SORCS2: variants seen among roughly 807,000 people sequenced by gnomAD.
The protein encoded by SORCS2 is VPS10 domain-containing receptor SorCS2.
Under a neutral mutation model 141.6 loss-of-function variants are expected in SORCS2, and 100 were observed. The ratio of observed to expected loss-of-function variants is 0.71; its 90% CI spans 0.60 to 0.83. The LOEUF (loss-of-function observed/expected upper bound fraction) is 0.83. Ranked by LOEUF, SORCS2 falls within the 40% of genes least tolerant of loss-of-function variation. SORCS2 has a pLI of 0.00. For missense variants in SORCS2, 1,646 were observed against 1,560.2 expected, an observed-to-expected ratio of 1.05 and a Z score of -0.93; for synonymous variants, 789 against 676.9, an observed-to-expected ratio of 1.17 and a Z score of -2.57.
intron 1 of SORCS2, among the ~76,000 whole-genome samples, chr4:7,327,142 G>A (rs1187280638): frequency 1.3e-5 from 2 of 152,198 alleles, no homozygotes; most frequent in South Asian, 2.1e-4. Context: ...AGCTGCCGCC[G>A]CAACGTTCCA....
At chr4:7,324,840 C>T (rs1719136545) in intron 1 of SORCS2, among the ~76,000 whole-genome samples, 1 of 152,194 alleles carries the variant, frequency 6.6e-6, no homozygotes, top group South Asian at 2.1e-4. Flanking sequence ...TGTCATTTTC[C>T]TTTCAAACCG....
chr4:7,247,574 C>A (rs1713184247), intron 1 of SORCS2, among the ~76,000 whole-genome samples: 1 of 152,176 alleles, frequency 6.6e-6, no homozygotes, highest in Non-Finnish European at 1.5e-5. Flanking sequence ...TGTGCGTTTT[C>A]TGTGGAGGAT....
At chr4:7,505,720 C>A (rs1433507969) in intron 2 of SORCS2, among the ~76,000 whole-genome samples, 2 of 152,120 alleles carry the variant, frequency 1.3e-5, no homozygotes, top group African/African-American at 4.8e-5. Context: ...CAGCAAGGCC[C>A]CAGAGCTGGG....
At chr4:7,561,850 T>C (rs887196787) in intron 3 of SORCS2, among the ~76,000 whole-genome samples, 1 of 152,130 alleles carries the variant, frequency 6.6e-6, no homozygotes, top group Non-Finnish European at 1.5e-5. Flanking sequence ...CATCCATCCA[T>C]CTACCCATCC....
intron 2 of SORCS2, chr4:7,434,992 A>T: frequency 7.6e-7 from 1 of 1,318,522 alleles, no homozygotes; most frequent in Non-Finnish European, 1.0e-6. Flanking sequence ...CCTCCTGGCC[A>T]CTCCCACAGC....
chr4:7,645,756 G>C (rs1186695991), intron 4 of SORCS2, among the ~76,000 whole-genome samples: 1 of 152,186 alleles, frequency 6.6e-6, no homozygotes, highest in Non-Finnish European at 1.5e-5. Context: ...TCTTTAAAAA[G>C]TCCTTTCTGA....
At chr4:7,596,560 G>T (rs557812042) in intron 3 of SORCS2, among the ~76,000 whole-genome samples, 39 of 152,222 alleles carry the variant, frequency 2.6e-4, no homozygotes, top group African/African-American at 7.5e-4. Context: ...ATCTCCTTTC[G>T]TGCTAAAACC....
intron 1 of SORCS2, among the ~76,000 whole-genome samples, chr4:7,349,035 A>G (rs1004440244): frequency 6.6e-5 from 10 of 152,188 alleles, no homozygotes; most frequent in African/African-American, 2.4e-4. Context: ...CTTATTTGAC[A>G]TTGATTGATG....
chr4:7,593,688 G>T lies in SORCS2; in HGVS notation c.649-44640G>T, dbSNP rs375616010. Among the ~76,000 whole-genome samples, 8 of 152,338 alleles carry T rather than the reference G, an allele frequency of 5.3e-5. No homozygotes were observed. In the East Asian group the frequency reaches 1.4e-3, roughly 26 times the overall value. On this transcript the variant is annotated intron_variant, in intron 3 of 26. Coordinates refer to ENST00000507866, the MANE Select transcript of SORCS2 (RefSeq NM_020777.3). ...GTGGGGGCGGCCCCAGGCGGGTAAT[G>T]GGAAGCCGGAGCAGATGTTGGCAGT...
intron 2 of SORCS2, among the ~76,000 whole-genome samples, chr4:7,445,325 G>A (rs1212224484): frequency 6.6e-6 from 1 of 151,070 alleles, no homozygotes; most frequent in Non-Finnish European, 1.5e-5. Flanking sequence ...GGGACATCCA[G>A]AGGGAAAGCC....
At chr4:7,717,003 A>AG (rs1339508383) in intron 17 of SORCS2, among the ~76,000 whole-genome samples, 1 of 152,236 alleles carries the variant, frequency 6.6e-6, no homozygotes, top group Non-Finnish European at 1.5e-5. Context: ...TGAGGGCAAG[A>AG]GGGGGGATCA....
Position 7,697,253 on chromosome 4 carries a change from C to T in SORCS2, c.1647C>T (p.Asp549=). 6.3e-7 allele frequency: 1 copy of T among 1,590,718 alleles called. No individual in the cohort carries two copies. ...AAGAAGAAATGTACATCACGTCAGA[C>T]TGTGGTCACACCTGGCGGCAGGTAA... The part of the protein sequence containing the change: ...EYKEEMYITS[D]CGHTWRQVFE... Residue 549 remains aspartate, a synonymous_variant, in exon 12 of 27, where the codon GAC becomes GAT. Coordinates refer to ENST00000507866, the MANE Select transcript of SORCS2 (RefSeq NM_020777.3).
chr4:7,645,834 C>T (rs1454525553), intron 4 of SORCS2, among the ~76,000 whole-genome samples: 1 of 152,214 alleles, frequency 6.6e-6, no homozygotes, highest in Non-Finnish European at 1.5e-5. Flanking sequence ...ACCCAGGTGA[C>T]AGCCCATGGC....
chr4:7,396,910 G>A (rs765980493), intron 2 of SORCS2, among the ~76,000 whole-genome samples: 1 of 152,122 alleles, frequency 6.6e-6, no homozygotes, highest in Non-Finnish European at 1.5e-5. Context: ...AAAGAAGGAG[G>A]ATTTGAGAAC....
intron 18 of SORCS2, among the ~76,000 whole-genome samples, chr4:7,719,469 G>A (rs1401173720): frequency 6.6e-6 from 1 of 152,222 alleles, no homozygotes; most frequent in Non-Finnish European, 1.5e-5. Flanking sequence ...TGGCAGGGCT[G>A]GCGTTGGGGT....
intron 2 of SORCS2, among the ~76,000 whole-genome samples, chr4:7,488,836 C>T (rs529360492): frequency 2.6e-5 from 4 of 152,296 alleles, no homozygotes; most frequent in East Asian, 1.9e-4. Context: ...ATCTTAAATT[C>T]GTTTATAAAG....
intron 1 of SORCS2, among the ~76,000 whole-genome samples, chr4:7,290,193 C>T (rs1174900447): frequency 6.6e-6 from 1 of 152,172 alleles, no homozygotes; most frequent in East Asian, 1.9e-4. Context: ...ATGTATTTGT[C>T]AGGACAACCC....
At chr4:7,560,322 G>A (rs1160451600) in intron 3 of SORCS2, among the ~76,000 whole-genome samples, 1 of 152,116 alleles carries the variant, frequency 6.6e-6, no homozygotes, top group Non-Finnish European at 1.5e-5. Flanking sequence ...GGAGGGCGAG[G>A]GATGAATGGA....
chr4:7,676,997 CCTCT>C (rs1357786858), intron 9 of SORCS2, among the ~76,000 whole-genome samples: 6 of 143,256 alleles, frequency 4.2e-5, no homozygotes, highest in African/African-American at 1.5e-4. Flanking sequence ...CCTTCCTCTC[CCTCT>C]CTGTGTGTGA....
Sources: allele counts gnomAD v4.1 joint callset (sites outside exome capture counted in the v4.1 genomes callset), GRCh38; gene constraint gnomAD v4.1.1; transcripts MANE v1.5; gene names NCBI Gene and HGNC (gene_info 2026-07-23, HGNC 2026-07-21).